FIG4: variants seen among roughly 807,000 people sequenced by gnomAD.
FIG4 encodes the protein polyphosphoinositide phosphatase.
FIG4 carries 112 observed loss-of-function variants against 118.6 expected under a neutral mutation model. The ratio of observed to expected loss-of-function variants is 0.94; its 90% confidence interval spans 0.81 to 1.11. FIG4 has a LOEUF of 1.11. FIG4 is among the 50% of genes least tolerant of loss of function. The pLI, the probability that FIG4 is intolerant of heterozygous loss-of-function variation, is 0.00. For synonymous variants in FIG4, 369 were observed against 381.2 expected, an observed-to-expected ratio of 0.97 and a Z score of 0.37; for missense variants, 969 against 1,111.7, an observed-to-expected ratio of 0.87 and a Z score of 1.83.
At position 109,715,098 on chromosome 6, in the gene FIG4, C is replaced by G; in HGVS notation, c.87C>G (p.Ser29Arg). The G allele has an allele frequency of 6.3e-7, 1 of 1,592,790 alleles. No homozygotes were observed. The highest frequency in any genetic ancestry group is 8.6e-7 in the Non-Finnish European group (1 of 1,161,382). The change falls in exon 2 of 23, where the codon AGC becomes AGG. Residue 29 changes from serine to arginine, a missense_variant. Coordinates refer to ENST00000230124, the MANE Select transcript of FIG4 (RefSeq NM_014845.6). ...TATAGAGATACTTTCTAGTTGGGAGCAATAATGCAGAAACGAAATATCGTG... is the reference window on the plus strand; with the variant it reads ...TATAGAGATACTTTCTAGTTGGGAGGAATAATGCAGAAACGAAATATCGTG... ...ETRARYFLVGSNNAETKYRVL... is the reference protein window; with the variant it reads ...ETRARYFLVGRNNAETKYRVL...
intron 22 of FIG4, among the ~76,000 whole-genome samples, chr6:109,799,374 G>T (rs1330686870): frequency 6.6e-6 from 1 of 152,228 alleles, no homozygotes; most frequent in Admixed American, 6.5e-5. Flanking sequence ...GTGTGTGTGT[G>T]TGCACGCACG....
chr6:109,768,647 C>T (rs989456186), intron 15 of FIG4, among the ~76,000 whole-genome samples: 3 of 152,144 alleles, frequency 2.0e-5, no homozygotes, highest in South Asian at 2.1e-4. Context: ...CTCATAGCAG[C>T]GTGCTTCTTC....
At chr6:109,719,107 T>A (rs528267129) in intron 3 of FIG4, among the ~76,000 whole-genome samples, 1 of 152,096 alleles carries the variant, frequency 6.6e-6, no homozygotes, top group East Asian at 1.9e-4. Flanking sequence ...TTTGTAGAGA[T>A]GGGGTTTCGC....
At chr6:109,711,608 C>T (rs542263854) in intron 1 of FIG4, among the ~76,000 whole-genome samples, 8 of 151,652 alleles carry the variant, frequency 5.3e-5, no homozygotes, top group African/African-American at 9.7e-5. Context: ...TTCTGTTTCC[C>T]GTTTGCTTGA....
At chr6:109,770,687 A>G (rs530821493) in intron 15 of FIG4, among the ~76,000 whole-genome samples, 1 of 152,132 alleles carries the variant, frequency 6.6e-6, no homozygotes, top group Admixed American at 6.5e-5. Flanking sequence ...TCACATGGCA[A>G]GGGGTGAGGG....
At chr6:109,738,517 C>A in intron 7 of FIG4, 64 bp downstream of exon 7, 1 of 1,428,096 alleles carries the variant, frequency 7.0e-7, no homozygotes. Context: ...AATTTGTAGA[C>A]AGCTACATAT....
intron 10 of FIG4, among the ~76,000 whole-genome samples, chr6:109,750,220 A>G (rs189730447): frequency 1.3e-5 from 2 of 152,344 alleles, no homozygotes; most frequent in Admixed American, 6.5e-5. Context: ...GCAGCAATCC[A>G]TGTGCCTTCA....
intron 22 of FIG4, among the ~76,000 whole-genome samples, chr6:109,808,350 C>CA (rs55948419): frequency 0.1 from 6,885 of 66,992 alleles, 332 homozygotes; most frequent in African/African-American, 0.15. Flanking sequence ...ACACTCACAG[C>CA]AAAAAAAAAA....
chr6:109,802,252 G>A (rs1778446037), intron 22 of FIG4, among the ~76,000 whole-genome samples: 1 of 150,360 alleles, frequency 6.7e-6, no homozygotes, highest in Admixed American at 6.6e-5. Flanking sequence ...ATTTATTTTT[G>A]CCTTCCTTTC....
chr6:109,798,824 T>C (rs1027835811), intron 22 of FIG4, among the ~76,000 whole-genome samples: 87 of 152,288 alleles, frequency 5.7e-4, no homozygotes, highest in African/African-American at 2.0e-3. Flanking sequence ...CTCTTTTTTT[T>C]TTGTTTGGCA....
chr6:109,806,257 C>A (rs1418164215), intron 22 of FIG4, among the ~76,000 whole-genome samples: 3 of 152,096 alleles, frequency 2.0e-5, no homozygotes, highest in Non-Finnish European at 4.4e-5. Flanking sequence ...TATTGTTCAA[C>A]CTTTAATTTT....
At position 109,749,055 on chromosome 6, in the gene FIG4, CTGTGTGTGTGTGTGTGTGTG is replaced by C. The variant is rs113357544; in HGVS notation, c.1137+5313_1137+5332del. Among the ~76,000 whole-genome samples, 30 of 132,480 alleles carry C rather than the reference CTGTGTGTGTGTGTGTGTGTG, an allele frequency of 2.3e-4. No individual in the cohort carries two copies. The South Asian group carries it at 6.9e-3, about 30-fold the overall frequency. 86.9% of individuals were successfully genotyped at this position (132,480 alleles called of 152,430 possible). A position where few individuals can be genotyped will look rare whatever the true frequency, so the allele number is the denominator to read the frequency against. On this transcript the variant is annotated intron_variant, in intron 10 of 22. Transcript: ENST00000230124. ...CTACATGCATGGGCTCAAAGGAGCT[CTGTGTGTGTGTGTGTGTGTG>C]TGTGTGTGTGTGTGTGTGTGTGTGT...
At chr6:109,716,899 G>T (rs7771150) in intron 3 of FIG4, among the ~76,000 whole-genome samples, 1 of 152,142 alleles carries the variant, frequency 6.6e-6, no homozygotes, top group East Asian at 1.9e-4. Flanking sequence ...CCTGCCATTC[G>T]TCAGCTGGAG....
At chr6:109,731,907 A>G (rs1472490059) in intron 4 of FIG4, among the ~76,000 whole-genome samples, 3 of 152,208 alleles carry the variant, frequency 2.0e-5, no homozygotes, top group Non-Finnish European at 2.9e-5. Flanking sequence ...AAAATGAGTG[A>G]AAAAAGTAGG....
intron 1 of FIG4, among the ~76,000 whole-genome samples, chr6:109,694,379 A>G (rs1774645309): frequency 6.6e-6 from 1 of 152,222 alleles, no homozygotes; most frequent in African/African-American, 2.4e-5. Context: ...AGAAAACTGG[A>G]TATCCATGTG....
intron 22 of FIG4, among the ~76,000 whole-genome samples, chr6:109,814,162 A>G (rs757608614): frequency 2.0e-5 from 3 of 152,114 alleles, no homozygotes; most frequent in Non-Finnish European, 4.4e-5. Flanking sequence ...TTATTTATTT[A>G]TTTAAAGACA....
At chr6:109,696,975 G>A (rs571353129) in intron 1 of FIG4, among the ~76,000 whole-genome samples, 7 of 152,186 alleles carry the variant, frequency 4.6e-5, no homozygotes, top group East Asian at 1.9e-4. Flanking sequence ...CACAGTGTAC[G>A]CATGTATTAA....
intron 21 of FIG4, among the ~76,000 whole-genome samples, chr6:109,794,025 T>C (rs914662465): frequency 6.6e-6 from 1 of 152,236 alleles, no homozygotes; most frequent in Non-Finnish European, 1.5e-5. Flanking sequence ...TATCTGAAGT[T>C]ACTGACTGAG....
intron 22 of FIG4, among the ~76,000 whole-genome samples, chr6:109,813,693 C>T (rs981614240): frequency 2.0e-5 from 3 of 152,226 alleles, no homozygotes; most frequent in African/African-American, 4.8e-5. Flanking sequence ...CACATGGTAC[C>T]GGGATTGGTC....
Sources: gnomAD v4.1 joint callset for allele counts (sites outside exome capture counted in the v4.1 genomes callset) on GRCh38, gnomAD v4.1.1 for gene constraint, MANE v1.5 for transcripts, NCBI Gene and HGNC (gene_info 2026-07-23, HGNC 2026-07-21) for gene names.